The following DNAH11 variants were observed in gnomAD, a reference collection of about 807,000 sequenced individuals.
DNAH11 encodes the protein axonemal beta dynein heavy chain 11.
Under a neutral mutation model 526.0 loss-of-function variants are expected in DNAH11, and 442 were observed. The ratio of observed to expected loss-of-function variants is 0.84; its 90% CI spans 0.78 to 0.91. The LOEUF (loss-of-function observed/expected upper bound fraction) is 0.91. Among genes scored for constraint, DNAH11 ranks in the 40% least tolerant of loss-of-function variants. The pLI, the probability that DNAH11 is intolerant of heterozygous loss-of-function variation, is 0.00. For missense variants in DNAH11, 6,989 were observed against 5,448.7 expected (o/e 1.28, Z -8.90); for synonymous variants, 2,461 against 1,935.9 (o/e 1.27, Z -7.12).
chr7:21,749,635 A>G, intron 52 of DNAH11, 43 bp from the exon 53 acceptor site: 4 of 1,610,622 alleles, frequency 2.5e-6, no homozygotes, highest in Non-Finnish European at 1.7e-6. Context: ...TCAACGCCGC[A>G]TCAGCATTTT....
intron 54 of DNAH11, among the ~76,000 whole-genome samples, chr7:21,754,310 G>A (rs1786533492): frequency 6.6e-6 from 1 of 152,134 alleles, no homozygotes; most frequent in Non-Finnish European, 1.5e-5. Flanking sequence ...ATTGAGATAT[G>A]TATATGTTTT....
intron 49 of DNAH11, 108 bp downstream of exon 49, chr7:21,742,274 T>A: frequency 7.7e-7 from 1 of 1,292,960 alleles, no homozygotes. Flanking sequence ...GGCTAGGTAA[T>A]TTATAAAGAA....
chr7:21,742,192 C>G, intron 49 of DNAH11, 26 bp downstream of exon 49: 1 of 1,608,186 alleles, frequency 6.2e-7, no homozygotes, highest in Non-Finnish European at 8.5e-7. Context: ...TATGTTATGC[C>G]TCTTGAGTAG....
intron 74 of DNAH11, among the ~76,000 whole-genome samples, chr7:21,874,043 G>C (rs954504518): frequency 6.6e-6 from 1 of 151,822 alleles, no homozygotes; most frequent in Admixed American, 6.6e-5. Context: ...CACCTGCCTC[G>C]GCCTCCCAAA....
intron 25 of DNAH11, among the ~76,000 whole-genome samples, chr7:21,625,213 A>G (rs768270069): frequency 1.7e-4 from 26 of 151,608 alleles, no homozygotes; most frequent in Non-Finnish European, 3.4e-4. Context: ...CAGTGTCTTT[A>G]CTCATCTGTT....
chr7:21,587,533 TC>T (rs1447137754), intron 9 of DNAH11, among the ~76,000 whole-genome samples: 1 of 152,136 alleles, frequency 6.6e-6, no homozygotes, highest in Non-Finnish European at 1.5e-5. Flanking sequence ...CTTGTAACAG[TC>T]ACCACTGTAG....
intron 61 of DNAH11, among the ~76,000 whole-genome samples, chr7:21,796,842 A>C (rs16872979): frequency 0.01 from 1,561 of 152,322 alleles, 39 homozygotes; most frequent in African/African-American, 0.034. Context: ...CATGTCAAAT[A>C]CTTAGAATAG....
At chr7:21,785,730 C>T (rs932927594) in intron 58 of DNAH11, among the ~76,000 whole-genome samples, 1 of 152,112 alleles carries the variant, frequency 6.6e-6, no homozygotes, top group African/African-American at 2.4e-5. Flanking sequence ...CTTGGTTAGC[C>T]AGCTCTCAAT....
At chr7:21,769,291 C>A (rs1489459078) in intron 55 of DNAH11, among the ~76,000 whole-genome samples, 2 of 152,194 alleles carry the variant, frequency 1.3e-5, no homozygotes, top group African/African-American at 4.8e-5. Context: ...GACTTTGTAG[C>A]TGCCCAGGAA....
intron 64 of DNAH11, 103 bp from the exon 65 acceptor site, chr7:21,818,114 C>A (rs1789885772): frequency 8.7e-7 from 1 of 1,147,730 alleles, no homozygotes; most frequent in Non-Finnish European, 1.2e-6. Flanking sequence ...TAAGTTTGTC[C>A]CATTTAGAAT....
rs550026007 is a variant in DNAH11, at chr7:21,749,719, C to T, written c.8715C>T (p.Asn2905=). 1 of 1,613,988 alleles carries T rather than the reference C, an allele frequency of 6.2e-7. No individual in the cohort carries two copies. The highest frequency in any genetic ancestry group is 2.2e-5 in the East Asian group (1 of 44,886). The stretch of plus-strand genomic sequence containing the variant: ...TGTACATCCGAACTGGAGCCAAGAA[C>T]ATGCCCACTGTGTTCCTGCTGACAG... ...ANLYIRTGAK[N]MPTVFLLTDA... is the part of the protein sequence containing the mutation. Residue 2905 remains asparagine, a synonymous_variant, in exon 53 of 82, where the codon AAC becomes AAT. Transcript: ENST00000409508.
intron 35 of DNAH11, 71 bp from the exon 36 acceptor site, chr7:21,698,004 C>A: frequency 6.8e-7 from 1 of 1,473,304 alleles, no homozygotes; most frequent in South Asian, 1.3e-5. Context: ...ACGAAATAAC[C>A]ACTTGATTTC....
intron 68 of DNAH11, among the ~76,000 whole-genome samples, chr7:21,860,563 A>G (rs1041989926): frequency 6.6e-6 from 1 of 152,338 alleles, no homozygotes; most frequent in East Asian, 1.9e-4. Context: ...TCAGTGGATG[A>G]ATAGATGAAT....
intron 8 of DNAH11, among the ~76,000 whole-genome samples, chr7:21,576,609 T>A (rs996273589): frequency 1.3e-5 from 2 of 152,202 alleles, no homozygotes; most frequent in East Asian, 1.9e-4. Context: ...TCTCCTTGCT[T>A]CTCAGAATAT....
intron 54 of DNAH11, among the ~76,000 whole-genome samples, chr7:21,761,388 T>G (rs1324469028): frequency 6.6e-6 from 1 of 151,942 alleles, no homozygotes; most frequent in African/African-American, 2.4e-5. Context: ...AGATTACATG[T>G]AATTATTTAT....
intron 73 of DNAH11, among the ~76,000 whole-genome samples, chr7:21,869,282 C>T (rs571641869): frequency 2.0e-5 from 3 of 152,262 alleles, no homozygotes; most frequent in Non-Finnish European, 2.9e-5. Context: ...CTCAGTAGTG[C>T]CTGAGAACAC....
At chr7:21,629,325 A>T (rs80254511) in intron 25 of DNAH11, among the ~76,000 whole-genome samples, 1,698 of 152,220 alleles carry the variant, frequency 0.011, 15 homozygotes, top group Non-Finnish European at 0.016. Context: ...GTGCCCTAAG[A>T]TATGATCTAT....
At chr7:21,738,935 A>T in intron 47 of DNAH11, 69 bp downstream of exon 47, 4 of 1,253,910 alleles carry the variant, frequency 3.2e-6, no homozygotes, top group Non-Finnish European at 4.3e-6. Context: ...ATTACTATGG[A>T]TGAATAATTA....
intron 30 of DNAH11, among the ~76,000 whole-genome samples, chr7:21,668,009 G>C (rs949790571): frequency 6.6e-6 from 1 of 152,054 alleles, no homozygotes; most frequent in Non-Finnish European, 1.5e-5. Context: ...TACATCAACT[G>C]TTCTGGAATA....
Sources: gnomAD v4.1 joint callset for allele counts (sites outside exome capture counted in the v4.1 genomes callset) on GRCh38, gnomAD v4.1.1 for gene constraint, MANE v1.5 for transcripts, NCBI Gene and HGNC (gene_info 2026-07-23, HGNC 2026-07-21) for gene names.